The following GPC6 variants were observed in gnomAD, a reference collection of about 807,000 sequenced individuals.
GPC6 encodes the protein glypican 6.
In GPC6, 14 loss-of-function variants were observed where a neutral mutation model predicts 55.2. The ratio of observed to expected loss-of-function variants is 0.25; its 90% CI spans 0.17 to 0.40. The LOEUF is 0.40. GPC6 is among the 10% of genes least tolerant of loss of function. The pLI is 1.00. For missense variants in GPC6, 641 were observed against 708.5 expected (o/e 0.90, Z 1.08); for synonymous variants, 278 against 259.6 (o/e 1.07, Z -0.68).
At chr13:93,863,893 T>C (rs1381269052) in intron 3 of GPC6, among the ~76,000 whole-genome samples, 2 of 151,732 alleles carry the variant, frequency 1.3e-5, no homozygotes, top group East Asian at 3.9e-4. Context: ...TCAGGAACGT[T>C]TTGGGAAATA....
intron 1 of GPC6, among the ~76,000 whole-genome samples, chr13:93,364,217 G>C (rs904398966): frequency 6.6e-5 from 10 of 151,814 alleles, no homozygotes; most frequent in African/African-American, 2.4e-4. Flanking sequence ...GCCCATGCCT[G>C]TGTCTTAGTA....
At chr13:94,365,990 T>C (rs947080201) in intron 6 of GPC6, among the ~76,000 whole-genome samples, 6 of 152,108 alleles carry the variant, frequency 3.9e-5, no homozygotes, top group Admixed American at 2.0e-4. Flanking sequence ...CAATGCCTCC[T>C]CCCCCTTTTT....
chr13:93,257,215 G>C (rs1876984282), intron 1 of GPC6, among the ~76,000 whole-genome samples: 1 of 152,030 alleles, frequency 6.6e-6, no homozygotes, highest in African/African-American at 2.4e-5. Flanking sequence ...GGGGAGGACT[G>C]TTTGAGCACA....
At chr13:93,270,619 AG>A (rs1877485050) in intron 1 of GPC6, among the ~76,000 whole-genome samples, 1 of 151,924 alleles carries the variant, frequency 6.6e-6, no homozygotes, top group Admixed American at 6.6e-5. Flanking sequence ...TCCCTTATTT[AG>A]AAGCCTCTTC....
intron 2 of GPC6, among the ~76,000 whole-genome samples, chr13:93,608,553 T>C (rs1289802378): frequency 5.3e-5 from 8 of 152,206 alleles, no homozygotes; most frequent in Non-Finnish European, 1.2e-4. Flanking sequence ...TTTCAATCTT[T>C]TCATGTTGAC....
intron 1 of GPC6, among the ~76,000 whole-genome samples, chr13:93,282,681 A>C (rs986782966): frequency 6.6e-6 from 1 of 152,036 alleles, no homozygotes; most frequent in African/African-American, 2.4e-5. Flanking sequence ...TATTTTACAC[A>C]GAAAAATCAC....
chr13:93,808,020 T>G (rs1886589625), intron 2 of GPC6, among the ~76,000 whole-genome samples: 1 of 152,206 alleles, frequency 6.6e-6, no homozygotes, highest in Non-Finnish European at 1.5e-5. Context: ...TAGACAACAT[T>G]GTACTTATGA....
intron 1 of GPC6, among the ~76,000 whole-genome samples, chr13:93,388,513 C>T (rs539904651): frequency 3.0e-4 from 45 of 152,282 alleles, no homozygotes; most frequent in African/African-American, 1.1e-3. Flanking sequence ...AGATTTCCCC[C>T]TGGATGCTAT....
At chr13:94,015,385 C>CT (rs949737857) in intron 3 of GPC6, among the ~76,000 whole-genome samples, 1 of 151,892 alleles carries the variant, frequency 6.6e-6, no homozygotes, top group Non-Finnish European at 1.5e-5. Flanking sequence ...GTTGTTTGTC[C>CT]TTTTTTTGTG....
chr13:93,229,094 A>T (rs1308804735), intron 1 of GPC6, among the ~76,000 whole-genome samples: 1 of 152,148 alleles, frequency 6.6e-6, no homozygotes, highest in African/African-American at 2.4e-5. Context: ...TATCCTTGTT[A>T]CTTCTTCCTT....
intron 2 of GPC6, among the ~76,000 whole-genome samples, chr13:93,558,987 T>G (rs530078933): frequency 1.3e-5 from 2 of 152,262 alleles, no homozygotes; most frequent in African/African-American, 4.8e-5. Flanking sequence ...GCCACTACAA[T>G]AGTGGCCCTC....
At chr13:93,858,496 A>G (rs189035390) in intron 3 of GPC6, among the ~76,000 whole-genome samples, 342 of 151,744 alleles carry the variant, frequency 2.3e-3, no homozygotes, top group Non-Finnish European at 3.6e-3. Flanking sequence ...AAATGAGTGC[A>G]TGTAGGGAAG....
chr13:94,150,837 T>TATATATATATA (rs1555301323), intron 4 of GPC6, among the ~76,000 whole-genome samples: 2 of 144,306 alleles, frequency 1.4e-5, no homozygotes, highest in Admixed American at 6.9e-5. Context: ...TATATGTTTA[T>TATATATATATA]TGAATGAGTA....
chr13:93,712,753 A>G (rs1883116134), intron 2 of GPC6, among the ~76,000 whole-genome samples: 1 of 151,484 alleles, frequency 6.6e-6, no homozygotes, highest in Non-Finnish European at 1.5e-5. Flanking sequence ...AGTTTTTGCC[A>G]TTTTTTTAAG....
intron 4 of GPC6, among the ~76,000 whole-genome samples, chr13:94,243,641 C>G (rs1373623305): frequency 7.9e-5 from 12 of 152,096 alleles, no homozygotes; most frequent in Non-Finnish European, 1.6e-4. Flanking sequence ...TGTCCTCCCC[C>G]TTTTAAAACT....
intron 2 of GPC6, among the ~76,000 whole-genome samples, chr13:93,821,953 C>T (rs1411502): frequency 0.24 from 36,931 of 151,736 alleles, 4,923 homozygotes; most frequent in East Asian, 0.35. Context: ...AATATGATTT[C>T]TATGTAATTT....
the GPC6 span, among the ~76,000 whole-genome samples, chr13:93,221,638 A>G: frequency 6.6e-6 from 1 of 152,250 alleles, no homozygotes. Flanking sequence ...ATAAACCATA[A>G]GATGGAAATG....
intron 2 of GPC6, among the ~76,000 whole-genome samples, chr13:93,639,562 G>A (rs1034196056): frequency 2.0e-5 from 3 of 152,134 alleles, no homozygotes; most frequent in African/African-American, 7.2e-5. Context: ...CCAGGTAGGA[G>A]AAGATAGTAG....
chr13:94,334,613 C>T lies in GPC6; in HGVS notation c.1152+28490C>T, dbSNP rs558826336. On this transcript the variant is annotated intron_variant, in intron 6 of 8. Transcript: ENST00000377047. ...GTTCTCAAGCCCCATTCCAGACCTA[C>T]GGAAACTGAAACTCCAAGTGGGGCC... is the stretch of plus-strand genomic sequence containing the variant. Among the ~76,000 whole-genome samples the T allele has an allele frequency of 4.6e-5, 7 of 152,290 alleles. No homozygotes were observed. The South Asian group carries it at 1.0e-3, about 23-fold the overall frequency.
Sources: gnomAD v4.1 joint callset for allele counts (sites outside exome capture counted in the v4.1 genomes callset) on GRCh38, gnomAD v4.1.1 for gene constraint, MANE v1.5 for transcripts, NCBI Gene and HGNC (gene_info 2026-07-23, HGNC 2026-07-21) for gene names.